Variants in OMA1 observed in about 807,000 individuals in gnomAD.
OMA1 encodes metalloendopeptidase OMA1, mitochondrial.
Under a neutral mutation model 30.9 loss-of-function variants are expected in OMA1, and 38 were observed. That is an observed-to-expected ratio of 1.23 (90% CI 0.95 to 1.61). The LOEUF is 1.61. OMA1 is among the 40% of genes most tolerant of loss of function. OMA1 has a pLI of 0.00. For synonymous variants in OMA1, 173 were observed against 121.9 expected (o/e 1.42, Z -2.76); for missense variants, 461 against 349.2 (o/e 1.32, Z -2.55).
At chr1:58,511,674 G>A (rs930359426) in intron 7 of OMA1, among the ~76,000 whole-genome samples, 6 of 151,928 alleles carry the variant, frequency 3.9e-5, no homozygotes, top group Non-Finnish European at 8.8e-5. Flanking sequence ...TGAGGAAAGA[G>A]CAGTCTCTTC....
At chr1:58,491,466 T>A (rs1468297126) in intron 8 of OMA1, among the ~76,000 whole-genome samples, 2 of 152,100 alleles carry the variant, frequency 1.3e-5, no homozygotes, top group Non-Finnish European at 2.9e-5. Flanking sequence ...AGACACAGAC[T>A]GGCAAATTGG....
chr1:58,545,023 C>T (rs1646678840), intron 1 of OMA1, among the ~76,000 whole-genome samples: 1 of 152,152 alleles, frequency 6.6e-6, no homozygotes, highest in Non-Finnish European at 1.5e-5. Context: ...TCATGAGCCA[C>T]CACGCCTGGA....
At chr1:58,491,243 C>T (rs1008723605) in intron 8 of OMA1, among the ~76,000 whole-genome samples, 2 of 152,132 alleles carry the variant, frequency 1.3e-5, no homozygotes, top group Non-Finnish European at 2.9e-5. Flanking sequence ...CAGGCCTGCC[C>T]TACAAGAGCT....
At chr1:58,499,826 CT>C (rs927082167) in intron 8 of OMA1, among the ~76,000 whole-genome samples, 43 of 151,210 alleles carry the variant, frequency 2.8e-4, no homozygotes, top group African/African-American at 9.7e-4. Context: ...GAAAAAAAAA[CT>C]GGCTATATTT....
At chr1:58,500,242 A>T (rs1645884446) in intron 8 of OMA1, among the ~76,000 whole-genome samples, 1 of 152,106 alleles carries the variant, frequency 6.6e-6, no homozygotes, top group Admixed American at 6.6e-5. Context: ...GCTTTATATG[A>T]TTCAGAAGCC....
intron 6 of OMA1, among the ~76,000 whole-genome samples, chr1:58,528,702 G>C (rs1286448926): frequency 6.6e-6 from 1 of 152,168 alleles, no homozygotes; most frequent in Non-Finnish European, 1.5e-5. Context: ...TGCTTTAAAT[G>C]TGTCATTCGG....
chr1:58,505,273 T>C (rs535364796), intron 8 of OMA1, among the ~76,000 whole-genome samples: 2 of 152,368 alleles, frequency 1.3e-5, no homozygotes, highest in Admixed American at 6.5e-5. Context: ...TCTGTTGTGC[T>C]ATGCCTTAGC....
chr1:58,545,495 T>C (rs911335754), intron 1 of OMA1, among the ~76,000 whole-genome samples: 4 of 121,688 alleles, frequency 3.3e-5, no homozygotes, highest in African/African-American at 1.1e-4. Context: ...ATCACTAGAC[T>C]ACAGAGCACA....
intron 8 of OMA1, among the ~76,000 whole-genome samples, chr1:58,499,763 T>C (rs973599873): frequency 6.6e-6 from 1 of 150,894 alleles, no homozygotes; most frequent in South Asian, 2.1e-4. Flanking sequence ...TCCATAAATA[T>C]ATAAAAAATT....
chr1:58,527,340 G>A lies in OMA1; in HGVS notation c.1141-5C>T. ...GTATGGTCTATTAAACATATACTAA[G>A]AAGAAATGACAGAAAAGCTCCATTA... On this transcript the variant is annotated splice_polypyrimidine_tract_variant and splice_region_variant and intron_variant, in intron 6 of 8. Transcript: ENST00000371226. The A allele has an allele frequency of 1.1e-6, 1 of 871,100 alleles. No homozygotes were observed. The highest frequency in any genetic ancestry group is 1.6e-5 in the African/African-American group (1 of 61,374). 54.0% of individuals were successfully genotyped at this position (871,100 alleles called of 1,614,324 possible).
intron 8 of OMA1, among the ~76,000 whole-genome samples, chr1:58,502,655 T>C (rs939728599): frequency 3.9e-5 from 6 of 152,226 alleles, no homozygotes; most frequent in African/African-American, 7.2e-5. Context: ...CATAATTCTA[T>C]ATACTGCCTG....
At chr1:58,489,283 C>T (rs1052184436) in intron 8 of OMA1, among the ~76,000 whole-genome samples, 2 of 152,220 alleles carry the variant, frequency 1.3e-5, no homozygotes, top group Non-Finnish European at 2.9e-5. Flanking sequence ...AAACGGCACA[C>T]CAGGAGATTA....
At chr1:58,495,807 G>A (rs1049953958) in intron 8 of OMA1, among the ~76,000 whole-genome samples, 6 of 151,990 alleles carry the variant, frequency 3.9e-5, no homozygotes, top group African/African-American at 1.5e-4. Context: ...TCCTCCAACA[G>A]CAAGAAGTAT....
intron 8 of OMA1, among the ~76,000 whole-genome samples, chr1:58,502,128 C>T (rs1645916918): frequency 6.6e-6 from 1 of 152,036 alleles, no homozygotes; most frequent in Admixed American, 6.6e-5. Flanking sequence ...CAGTAAGAAA[C>T]AATACATTTT....
chr1:58,486,429 A>G (rs558277277), intron 8 of OMA1, among the ~76,000 whole-genome samples: 22 of 152,298 alleles, frequency 1.4e-4, no homozygotes, highest in Admixed American at 1.3e-3. Context: ...AATGTCCTAC[A>G]TGCTAAATTT....
chr1:58,497,606 T>C (rs1392582508), intron 8 of OMA1, among the ~76,000 whole-genome samples: 2 of 137,330 alleles, frequency 1.5e-5, no homozygotes, highest in African/African-American at 5.9e-5. Flanking sequence ...GGGGAAGTTC[T>C]GAAAACAGGA....
In OMA1 at chr1:58,529,041, A is replaced by G. The variant is rs149759657; in HGVS notation, c.1140+1560T>C. ...ATAGATCAGGAAAATAACCACATTA[A>G]TTCTTTTAATTTCCTGGCGGGTCAG... On this transcript the variant is annotated intron_variant, in intron 6 of 8. Coordinates refer to ENST00000371226, the MANE Select transcript of OMA1 (RefSeq NM_145243.5). Among the ~76,000 whole-genome samples, 822 of 152,320 alleles carry G rather than the reference A, an allele frequency of 5.4e-3. 5 individuals carry two copies. Among genetic ancestry groups the G allele is most frequent in the African/African-American group, 0.019 (788 of 41,562 alleles).
intron 1 of OMA1, among the ~76,000 whole-genome samples, 170 bp from the exon 2 acceptor site, chr1:58,539,480 C>T (rs1646569786): frequency 6.6e-6 from 1 of 152,150 alleles, no homozygotes; most frequent in Non-Finnish European, 1.5e-5. Flanking sequence ...GCAAGATAAA[C>T]CAGAGTATAT....
intron 6 of OMA1, among the ~76,000 whole-genome samples, chr1:58,528,342 G>A (rs1557454521): frequency 6.6e-6 from 1 of 152,154 alleles, no homozygotes; most frequent in South Asian, 2.1e-4. Flanking sequence ...AAACCCAGTA[G>A]TATCATATGT....
Sources: allele counts gnomAD v4.1 joint callset (sites outside exome capture counted in the v4.1 genomes callset), GRCh38; gene constraint gnomAD v4.1.1; transcripts MANE v1.5; gene names NCBI Gene and HGNC (gene_info 2026-07-23, HGNC 2026-07-21).